The following SLC5A12 variants were observed in gnomAD, a reference collection of about 807,000 sequenced individuals.
The protein encoded by SLC5A12 is solute carrier family 5 member 12.
Under a neutral mutation model 72.7 loss-of-function variants are expected in SLC5A12, and 46 were observed. That is an observed-to-expected ratio of 0.63 (90% CI 0.50 to 0.81). SLC5A12 has a LOEUF of 0.81. Ranked by LOEUF, SLC5A12 falls within the 30% of genes least tolerant of loss-of-function variation. The probability of loss-of-function intolerance (pLI) is 0.00; values close to 1 mark genes in which losing one functional copy is unlikely to be tolerated. For synonymous variants in SLC5A12, 275 were observed against 264.4 expected (o/e 1.04, Z -0.39); for missense variants, 683 against 740.7 (o/e 0.92, Z 0.90).
At chr11:26,716,003 A>T (rs12285894) in intron 1 of SLC5A12, among the ~76,000 whole-genome samples, 1 of 152,222 alleles carries the variant, frequency 6.6e-6, no homozygotes, top group African/African-American at 2.4e-5. Context: ...TATGCTACAT[A>T]GCAATAGATA....
At chr11:26,717,529 A>G (rs1187165114) in intron 1 of SLC5A12, among the ~76,000 whole-genome samples, 1 of 152,222 alleles carries the variant, frequency 6.6e-6, no homozygotes, top group African/African-American at 2.4e-5. Flanking sequence ...TGAGGGTGAG[A>G]AGAATTCCCT....
At chr11:26,675,992 T>C (rs1321993586) in intron 13 of SLC5A12, among the ~76,000 whole-genome samples, 1 of 152,028 alleles carries the variant, frequency 6.6e-6, no homozygotes, top group Non-Finnish European at 1.5e-5. Context: ...TATGTACCTC[T>C]GTCTGTGTGT....
At chr11:26,679,568 A>G (rs1854342344) in intron 12 of SLC5A12, among the ~76,000 whole-genome samples, 1 of 152,162 alleles carries the variant, frequency 6.6e-6, no homozygotes, top group Non-Finnish European at 1.5e-5. Context: ...AGGAGACACT[A>G]GTATGGCTCT....
chr11:26,692,488 C>T lies in SLC5A12; in HGVS notation c.1153+1G>A. ...ATAGAAAGTCCACCAGCTGTACCTACATAAGCCTTTACTGATCCAGGTGCT... is the reference window on the plus strand; with the variant it reads ...ATAGAAAGTCCACCAGCTGTACCTATATAAGCCTTTACTGATCCAGGTGCT... On this transcript the variant is annotated splice_donor_variant, in intron 9 of 14. Transcript: ENST00000396005. LOFTEE classifies it high-confidence loss of function. 1 of 1,600,216 alleles carries T rather than the reference C, an allele frequency of 6.2e-7. No individual in the cohort carries two copies. The highest frequency in any genetic ancestry group is 8.6e-7 in the Non-Finnish European group (1 of 1,167,290).
At chr11:26,690,345 G>C (rs990408679) in intron 9 of SLC5A12, among the ~76,000 whole-genome samples, 30 of 151,718 alleles carry the variant, frequency 2.0e-4, no homozygotes, top group African/African-American at 7.0e-4. Context: ...ATGCTACAAG[G>C]CTATAATATA....
chr11:26,690,807 A>AT (rs976517110), intron 9 of SLC5A12, among the ~76,000 whole-genome samples: 2 of 151,302 alleles, frequency 1.3e-5, no homozygotes, highest in African/African-American at 4.8e-5. Flanking sequence ...AAAAAAAAAA[A>AT]TTTAGTTTAT....
In SLC5A12 at chr11:26,697,180, A is replaced by T; in HGVS notation, c.1024T>A (p.Phe342Ile). The T allele has an allele frequency of 6.2e-7, 1 of 1,613,766 alleles. No individual in the cohort carries two copies. Among genetic ancestry groups the T allele is most frequent in the Non-Finnish European group, 8.5e-7 (1 of 1,179,780 alleles). ...TATACTAACCTCAGAGTTCCACTGA[A>T]GGCACAAGCCACAAAAAGTCCTGGC... ...GLPGLFVACA[F>I]SGTLSTVASS... Residue 342 changes from phenylalanine to isoleucine, a missense_variant, in exon 8 of 15, where the codon TTC becomes ATC. Physicochemically the swap from Phe to Ile is conservative, Grantham distance 21. Coordinates refer to ENST00000396005, the MANE Select transcript of SLC5A12 (RefSeq NM_178498.4).
intron 8 of SLC5A12, among the ~76,000 whole-genome samples, chr11:26,696,073 A>C (rs1435611523): frequency 1.3e-5 from 2 of 152,210 alleles, no homozygotes; most frequent in African/African-American, 4.8e-5. Flanking sequence ...TAGAATCCTC[A>C]GACTTCACCT....
At chr11:26,719,358 C>T (rs147512820) in intron 1 of SLC5A12, among the ~76,000 whole-genome samples, 101 of 152,208 alleles carry the variant, frequency 6.6e-4, no homozygotes, top group African/African-American at 2.4e-3. Context: ...TGTATATGTG[C>T]CTTTACACAC....
chr11:26,717,121 A>G (rs775753089), intron 1 of SLC5A12, among the ~76,000 whole-genome samples: 4 of 152,212 alleles, frequency 2.6e-5, no homozygotes, highest in Non-Finnish European at 4.4e-5. Context: ...TATAAATATA[A>G]TTACTAACAA....
intron 6 of SLC5A12, 135 bp downstream of exon 6, chr11:26,703,396 T>A (rs1240960419): frequency 8.7e-6 from 8 of 922,540 alleles, no homozygotes; most frequent in Non-Finnish European, 1.3e-5. Flanking sequence ...TAAGTGAGTC[T>A]CTCTGCCTCT....
rs759439497 is a variant in SLC5A12, at chr11:26,686,598, G to A, written c.1154-54C>T. On this transcript the variant is annotated intron_variant, in intron 9 of 14. Coordinates refer to ENST00000396005, the MANE Select transcript of SLC5A12 (RefSeq NM_178498.4). ...TTTCCTGAGGGATTCCTGACTTCAA[G>A]GGATGCCTTGAGCCCCCACTCAGAA... 5.2e-6 allele frequency: 8 copies of A among 1,531,676 alleles called. No individual in the cohort carries two copies. In the Admixed American group the frequency reaches 1.0e-4, roughly 20 times the overall value. The allele number at this position is 1,531,676 out of a possible 1,614,324, so 94.9% of individuals were successfully genotyped here.
chr11:26,694,598 T>G (rs753430245), intron 8 of SLC5A12, among the ~76,000 whole-genome samples: 1 of 152,054 alleles, frequency 6.6e-6, no homozygotes, highest in African/African-American at 2.4e-5. Context: ...CTAAAAACAA[T>G]ATTAGTAAAA....
chr11:26,671,718 G>A (rs192553715), intron 14 of SLC5A12, among the ~76,000 whole-genome samples: 27 of 152,200 alleles, frequency 1.8e-4, no homozygotes, highest in African/African-American at 6.5e-4. Flanking sequence ...CACAAGGAGT[G>A]TCCCCTCCCT....
Position 26,721,423 on chromosome 11 carries a change from G to T in SLC5A12, c.292C>A (p.Leu98Ile). Reference protein sequence around the residue: ...YLFVILLTSELFLPVFYRSGI... With the variant: ...YLFVILLTSEIFLPVFYRSGI... ...GATCTGTAGAACACAGGGAGAAAGA[G>T]CTCTGATGTTAAGAGGATGACAAAT... Residue 98 changes from leucine to isoleucine, a missense_variant, in exon 1 of 15, where the codon CTC becomes ATC. Coordinates refer to ENST00000396005, the MANE Select transcript of SLC5A12 (RefSeq NM_178498.4). 1 of 1,614,130 alleles carries T rather than the reference G, an allele frequency of 6.2e-7. No homozygotes were observed. Among genetic ancestry groups the T allele is most frequent in the Non-Finnish European group, 8.5e-7 (1 of 1,180,004 alleles).
intron 4 of SLC5A12, 90 bp from the exon 5 acceptor site, chr11:26,704,037 TCTTTTGTTTATTC>T: frequency 2.9e-6 from 4 of 1,383,656 alleles, no homozygotes; most frequent in Non-Finnish European, 4.0e-6. Flanking sequence ...ATGCATGCAT[TCTTTTGTTTATTC>T]AGCATCAGCC....
chr11:26,713,038 A>C (rs1164006502), intron 1 of SLC5A12, among the ~76,000 whole-genome samples: 1 of 152,006 alleles, frequency 6.6e-6, no homozygotes, highest in Non-Finnish European at 1.5e-5. Flanking sequence ...TGCTGCTCCA[A>C]ATTTAGTTCG....
chr11:26,673,469 C>G lies in SLC5A12; in HGVS notation c.1640G>C (p.Cys547Ser), dbSNP rs760421678. The change falls in exon 14 of 15, where the codon TGC becomes TCC. Residue 547 changes from cysteine (C) to serine (S), a missense_variant. Physicochemically the swap from Cys to Ser is moderately radical, Grantham distance 112. Coordinates refer to ENST00000396005, the MANE Select transcript of SLC5A12 (RefSeq NM_178498.4). ...TGTTTTGTACTTCTTAGACCAAAAG[C>G]AAAATAAATTACAAACTGGTCTAAT... Reference protein sequence around the residue: ...LLIRPVCNLFCFWSKKYKTLC... With the variant: ...LLIRPVCNLFSFWSKKYKTLC... 19 of 1,611,842 alleles carry G rather than the reference C, an allele frequency of 1.2e-5. No individual in the cohort carries two copies. In the African/African-American group the frequency reaches 2.4e-4, roughly 20 times the overall value.
At chr11:26,694,622 A>T (rs1015863492) in intron 8 of SLC5A12, among the ~76,000 whole-genome samples, 1 of 152,198 alleles carries the variant, frequency 6.6e-6, no homozygotes, top group Non-Finnish European at 1.5e-5. Flanking sequence ...AGTTAGCAGT[A>T]CACTAAATTA....
Sources: allele counts gnomAD v4.1 joint callset (sites outside exome capture counted in the v4.1 genomes callset), GRCh38; gene constraint gnomAD v4.1.1; transcripts MANE v1.5; gene names NCBI Gene and HGNC (gene_info 2026-07-23, HGNC 2026-07-21).